Variants in TECPR2 observed in about 807,000 individuals in gnomAD.
TECPR2 encodes tectonin beta-propeller repeat-containing protein 2.
In TECPR2, 65 loss-of-function variants were observed where a neutral mutation model predicts 138.1. The observed-to-expected ratio is 0.47, with a 90% CI of 0.39 to 0.58. TECPR2 has a LOEUF of 0.58. Ranked by LOEUF, TECPR2 falls within the 20% of genes least tolerant of loss-of-function variation. The probability of loss-of-function intolerance (pLI) is 0.00; values close to 1 mark genes in which losing one functional copy is unlikely to be tolerated. For synonymous variants in TECPR2, 746 were observed against 749.8 expected (o/e 0.99, Z 0.08); for missense variants, 1,553 against 1,824.5 (o/e 0.85, Z 2.71).
intron 17 of TECPR2, among the ~76,000 whole-genome samples, chr14:102,495,938 G>C (rs547510098): frequency 6.6e-6 from 1 of 152,382 alleles, no homozygotes; most frequent in Admixed American, 6.5e-5. Flanking sequence ...AGGGCCCTGA[G>C]AGTGTCTGGC....
At chr14:102,385,130 TAC>T (rs1405755423) in intron 2 of TECPR2, among the ~76,000 whole-genome samples, 2 of 152,092 alleles carry the variant, frequency 1.3e-5, no homozygotes, top group Non-Finnish European at 2.9e-5. Flanking sequence ...GTGCTGGAAT[TAC>T]AGGCATGAGC....
intron 3 of TECPR2, among the ~76,000 whole-genome samples, chr14:102,407,886 A>T (rs1389561335): frequency 6.6e-6 from 1 of 152,186 alleles, no homozygotes; most frequent in Non-Finnish European, 1.5e-5. Context: ...AGTCCCAGCT[A>T]CTAGGGAGGC....
rs1890345544 is a variant in TECPR2, at chr14:102,459,115, G to A, written c.3641-6026G>A. Among the ~76,000 whole-genome samples, 3 of 151,958 alleles carry A rather than the reference G, an allele frequency of 2.0e-5. No individual in the cohort carries two copies. The South Asian group carries it at 6.2e-4, about 32-fold the overall frequency. On this transcript the variant is annotated intron_variant, in intron 16 of 19. Coordinates refer to ENST00000359520, the MANE Select transcript of TECPR2 (RefSeq NM_014844.5). Reference sequence around the variant, plus strand: ...CCCAACAGGATTTTTGTTTTAATTTGGGATGGGGTCTCACTATGTTGCCTA... The same window carrying A: ...CCCAACAGGATTTTTGTTTTAATTTAGGATGGGGTCTCACTATGTTGCCTA...
intron 8 of TECPR2, among the ~76,000 whole-genome samples, chr14:102,432,585 G>A (rs987860587): frequency 6.6e-6 from 1 of 152,054 alleles, no homozygotes; most frequent in Admixed American, 6.5e-5. Flanking sequence ...AGTAGATACA[G>A]GGTTTCTCCA....
chr14:102,397,126 G>A lies in TECPR2; in HGVS notation c.220-10212G>A, dbSNP rs144132784. On this transcript the variant is annotated intron_variant, in intron 2 of 19. Transcript: ENST00000359520. ...ATGCCTAGGAAAAGGTATAGGCACA[G>A]TAAAGACCTGAGAAGACCCTGAGTT... Among the ~76,000 whole-genome samples, 153 of 152,294 alleles carry A rather than the reference G, an allele frequency of 1.0e-3. 3 individuals are homozygous for A. The East Asian group carries it at 0.022, about 22-fold the overall frequency.
At chr14:102,399,201 G>T (rs185968418) in intron 2 of TECPR2, among the ~76,000 whole-genome samples, 1 of 152,350 alleles carries the variant, frequency 6.6e-6, no homozygotes, top group Non-Finnish European at 1.5e-5. Flanking sequence ...GGCAGAGGTT[G>T]CAGTGAGCTG....
chr14:102,486,153 G>C (rs1891022361), intron 17 of TECPR2, among the ~76,000 whole-genome samples: 1 of 152,202 alleles, frequency 6.6e-6, no homozygotes, highest in South Asian at 2.1e-4. Context: ...AGTAACTGGA[G>C]TCAGTGCAGA....
chr14:102,484,818 TG>T (rs1263339373), intron 17 of TECPR2, among the ~76,000 whole-genome samples: 1 of 152,050 alleles, frequency 6.6e-6, no homozygotes, highest in African/African-American at 2.4e-5. Context: ...CCACCATGCC[TG>T]GCTAATTTTT....
At chr14:102,399,087 ACT>A (rs1888397737) in intron 2 of TECPR2, among the ~76,000 whole-genome samples, 3 of 152,050 alleles carry the variant, frequency 2.0e-5, no homozygotes, top group Admixed American at 6.5e-5. Flanking sequence ...ACATGGCGAA[ACT>A]CTGTCTCTAA....
At chr14:102,423,121 T>C (rs1318889993) in intron 5 of TECPR2, among the ~76,000 whole-genome samples, 1 of 152,104 alleles carries the variant, frequency 6.6e-6, no homozygotes, top group Non-Finnish European at 1.5e-5. Flanking sequence ...CCAACACAAA[T>C]TTGTAAACTT....
Position 102,432,045 on chromosome 14 carries a change from A to G in TECPR2, c.1334A>G (p.Asn445Ser), listed in dbSNP as rs758980397. 51 of 1,612,790 alleles carry G rather than the reference A, an allele frequency of 3.2e-5. 1 individual carries two copies. Among genetic ancestry groups the G allele is most frequent in the Non-Finnish European group, 3.8e-5 (45 of 1,179,940 alleles). Reference sequence around the variant, plus strand: ...AGCCAGCCCCTGTCACAGAGATTCAACGCCATCAGCTCAGAGGACTTTGAC... The same window carrying G: ...AGCCAGCCCCTGTCACAGAGATTCAGCGCCATCAGCTCAGAGGACTTTGAC... ...KGSQPLSQRF[N>S]AISSEDFDQE... Residue 445 changes from asparagine to serine, a missense_variant, in exon 8 of 20, where the codon AAC (asparagine) becomes AGC (serine). Physicochemically the swap from Asn to Ser is conservative, Grantham distance 46. Transcript: ENST00000359520.
chr14:102,497,093 G>C lies in TECPR2; in HGVS notation c.3904G>C (p.Val1302Leu), dbSNP rs1274451982. Residue 1302 changes from valine (V) to leucine (L), a missense_variant, in exon 18 of 20, where the codon GTG (valine) becomes CTG (leucine). Physicochemically the swap from Val to Leu is conservative, Grantham distance 32. Transcript: ENST00000359520. Reference sequence around the variant, plus strand: ...GACCGGGATCACCGAGGAGATGCCTGTGGGGACCGCCTGGGAGCATGTGCC... The same window carrying C: ...GACCGGGATCACCGAGGAGATGCCTCTGGGGACCGCCTGGGAGCATGTGCC... ...VRTGITEEMP[V>L]GTAWEHVPGL... 3 of 1,612,606 alleles carry C rather than the reference G, an allele frequency of 1.9e-6. No homozygotes were observed. The highest frequency in any genetic ancestry group is 2.5e-6 in the Non-Finnish European group (3 of 1,180,010).
At chr14:102,423,728 A>G (rs912266524) in intron 5 of TECPR2, among the ~76,000 whole-genome samples, 1 of 152,178 alleles carries the variant, frequency 6.6e-6, no homozygotes, top group Non-Finnish European at 1.5e-5. Flanking sequence ...GTGACTCTAT[A>G]TATAGCATAT....
At chr14:102,452,369 TG>T in intron 15 of TECPR2, 24 bp from the exon 16 acceptor site, 1 of 1,593,976 alleles carries the variant, frequency 6.3e-7, no homozygotes. Flanking sequence ...AACACCTCGA[TG>T]ACAAACATGA....
intron 7 of TECPR2, among the ~76,000 whole-genome samples, chr14:102,430,393 C>T (rs149973376): frequency 6.6e-5 from 10 of 152,212 alleles, no homozygotes; most frequent in Non-Finnish European, 1.0e-4. Flanking sequence ...TTCAGCAAGT[C>T]GCTTCACAGC....
rs1369289949 is a variant in TECPR2, at chr14:102,445,464, AT to A, written c.2934-340del. Among the ~76,000 whole-genome samples the A allele has an allele frequency of 6.8e-5, 10 of 146,922 alleles. No homozygotes were observed. In the East Asian group the frequency reaches 1.8e-3, roughly 27 times the overall value. ...AGATGGAGGCACTCAGGGGCCTTGG[AT>A]TGGTAGGGGAAGGAGTAGAGAGATG... is the stretch of plus-strand genomic sequence containing the variant. On this transcript the variant is annotated intron_variant, in intron 12 of 19. Coordinates refer to ENST00000359520, the MANE Select transcript of TECPR2 (RefSeq NM_014844.5).
chr14:102,462,688 G>A (rs1890436457), intron 16 of TECPR2, among the ~76,000 whole-genome samples: 1 of 152,134 alleles, frequency 6.6e-6, no homozygotes, highest in South Asian at 2.1e-4. Context: ...TAATGGAGCT[G>A]CACACCTTTT....
intron 17 of TECPR2, among the ~76,000 whole-genome samples, chr14:102,473,240 G>A (rs1890685097): frequency 1.3e-5 from 2 of 152,352 alleles, no homozygotes; most frequent in South Asian, 4.1e-4. Flanking sequence ...GTGGCGACAT[G>A]TCATAGGCTT....
Position 102,499,365 on chromosome 14 carries a change from C to G in TECPR2, c.*1108C>G, listed in dbSNP as rs1891384286. On this transcript the variant is annotated 3_prime_UTR_variant, in exon 20 of 20. Transcript: ENST00000359520. ...CTGCATAAAATACCTCATTTCAAAT[C>G]AAATCTTACAAATTTAGAAGAGAGA... 1.7e-6 allele frequency: 1 copy of G among 601,730 alleles called. No individual in the cohort carries two copies. The highest frequency in any genetic ancestry group is 2.8e-5 in the East Asian group (1 of 36,328). The allele number at this position is 601,730 out of a possible 1,614,324, so 37.3% of individuals were successfully genotyped here. A position where few individuals can be genotyped will look rare whatever the true frequency, so the allele number is the denominator to read the frequency against.
Sources: allele counts gnomAD v4.1 joint callset (sites outside exome capture counted in the v4.1 genomes callset), GRCh38; gene constraint gnomAD v4.1.1; transcripts MANE v1.5; gene names NCBI Gene and HGNC (gene_info 2026-07-23, HGNC 2026-07-21).